The following SCGB2B2 variants were observed in gnomAD, a reference collection of about 807,000 sequenced individuals.
SCGB2B2 encodes secretoglobin-like protein.
In SCGB2B2, 11 loss-of-function variants were observed where a neutral mutation model predicts 7.6. The observed-to-expected ratio is 1.45, with a 90% confidence interval of 0.91 to 2.40. The LOEUF (loss-of-function observed/expected upper bound fraction) is 2.40, where lower values mean the gene tolerates loss of function less well. Ranked by LOEUF, SCGB2B2 falls within the 30% of genes most tolerant of loss-of-function variation. SCGB2B2 has a pLI of 0.00. For missense variants in SCGB2B2, 104 were observed against 115.4 expected (o/e 0.90, Z 0.45); for synonymous variants, 50 against 48.6 (o/e 1.03, Z -0.12).
chr19:34,658,468 A>C (rs1195108910), intron 1 of SCGB2B2, among the ~76,000 whole-genome samples: 1 of 152,182 alleles, frequency 6.6e-6, no homozygotes, highest in African/African-American at 2.4e-5. Context: ...GAACACTATA[A>C]ACACCTCTAC....
chr19:34,600,281 C>T (rs914838454), intron 1 of SCGB2B2, among the ~76,000 whole-genome samples: 12 of 152,152 alleles, frequency 7.9e-5, no homozygotes, highest in African/African-American at 2.9e-4. Context: ...GATATTCATC[C>T]ATGTTGTTAT....
intron 1 of SCGB2B2, among the ~76,000 whole-genome samples, chr19:34,668,554 C>A (rs1370332254): frequency 6.6e-6 from 1 of 152,240 alleles, no homozygotes; most frequent in Non-Finnish European, 1.5e-5. Flanking sequence ...GACTGGCAGG[C>A]AGCTCCACCT....
intron 1 of SCGB2B2, among the ~76,000 whole-genome samples, chr19:34,620,522 G>T (rs1383994088): frequency 3.4e-5 from 4 of 116,400 alleles, no homozygotes; most frequent in African/African-American, 1.3e-4. Flanking sequence ...ACACCAGGGT[G>T]GGGGGAGGGG....
At chr19:34,606,229 C>T (rs366296) in intron 1 of SCGB2B2, among the ~76,000 whole-genome samples, 145,025 of 152,168 alleles carry the variant, frequency 0.95, 69,527 homozygotes, top group Middle Eastern at 0.99. Flanking sequence ...ACAGCTTTAA[C>T]ATATATATTT....
At chr19:34,623,005 G>A (rs909774777) in intron 1 of SCGB2B2, among the ~76,000 whole-genome samples, 1 of 150,844 alleles carries the variant, frequency 6.6e-6, no homozygotes, top group African/African-American at 2.4e-5. Context: ...TCCAATATAC[G>A]CATTTGAAAG....
chr19:34,594,577 G>A lies in SCGB2B2; in HGVS notation c.-14C>T. On this transcript the variant is annotated 5_prime_UTR_variant, in exon 2 of 4. Coordinates refer to ENST00000601241, the MANE Select transcript of SCGB2B2 (RefSeq NM_001025591.4). ...TGTCACCCTCATGACAGCGGAGTCT[G>A]GTCCCAGCAGGCACAGGCAGGGAAT... is the stretch of plus-strand genomic sequence containing the variant. The A allele has an allele frequency of 6.2e-7, 1 of 1,611,726 alleles. No homozygotes were observed. Among genetic ancestry groups the A allele is most frequent in the Non-Finnish European group, 8.5e-7 (1 of 1,179,432 alleles).
intron 1 of SCGB2B2, chr19:34,632,198 A>C (rs771209605): frequency 6.6e-6 from 1 of 152,230 alleles, no homozygotes; most frequent in Non-Finnish European, 1.5e-5. Flanking sequence ...TAATTTCTTA[A>C]ATCTTGGCAA....
chr19:34,588,925 G>C (rs540784109), downstream of SCGB2B2, among the ~76,000 whole-genome samples: 174 of 152,254 alleles, frequency 1.1e-3, 1 homozygote, highest in African/African-American at 4.0e-3. Flanking sequence ...AAACCTGAGA[G>C]ATGGGGCCCA....
At chr19:34,617,954 G>A (rs372662995) in intron 1 of SCGB2B2, among the ~76,000 whole-genome samples, 89 of 149,684 alleles carry the variant, frequency 5.9e-4, no homozygotes, top group African/African-American at 1.3e-3. Flanking sequence ...GACCCCTTGC[G>A]CTTCCCGAGT....
At chr19:34,593,903 T>C (rs2065365709) in intron 3 of SCGB2B2, among the ~76,000 whole-genome samples, 1 of 152,098 alleles carries the variant, frequency 6.6e-6, no homozygotes, top group Admixed American at 6.5e-5. Flanking sequence ...TTTGGTGCAG[T>C]GATTGTGGTT....
At chr19:34,610,468 G>T (rs1473680703) in intron 1 of SCGB2B2, among the ~76,000 whole-genome samples, 2 of 152,070 alleles carry the variant, frequency 1.3e-5, no homozygotes, top group Non-Finnish European at 2.9e-5. Context: ...ATTTTATTAT[G>T]TTGGGGTACA....
chr19:34,673,715 C>T lies in SCGB2B2; in HGVS notation c.-2032+1915G>A, dbSNP rs535177767. On this transcript the variant is annotated intron_variant, in intron 1 of 3. Transcript: ENST00000601241. ...AAGTACATCAAAACATAGCTATTAT[C>T]TTCAAAGCATATATTGTTACGGGTA... Among the ~76,000 whole-genome samples the T allele has an allele frequency of 3.3e-5, 5 of 152,308 alleles. No homozygotes were observed. In the East Asian group the frequency reaches 7.7e-4, roughly 23 times the overall value.
intron 1 of SCGB2B2, among the ~76,000 whole-genome samples, chr19:34,659,979 A>G (rs1483064490): frequency 2.6e-5 from 4 of 152,180 alleles, no homozygotes; most frequent in Admixed American, 6.5e-5. Context: ...AAATAACACC[A>G]CATGTCTACA....
intron 1 of SCGB2B2, among the ~76,000 whole-genome samples, chr19:34,613,825 T>C (rs2065998955): frequency 6.6e-6 from 1 of 152,274 alleles, no homozygotes; most frequent in South Asian, 2.1e-4. Flanking sequence ...TGGTGTTTAA[T>C]GTCCTTAGAG....
chr19:34,615,127 A>T (rs77070131), intron 1 of SCGB2B2, among the ~76,000 whole-genome samples: 1 of 152,164 alleles, frequency 6.6e-6, no homozygotes, highest in Non-Finnish European at 1.5e-5. Context: ...ATTAGCCCCC[A>T]GAACAAGATG....
At chr19:34,653,097 G>T (rs1176470928) in intron 1 of SCGB2B2, among the ~76,000 whole-genome samples, 2 of 151,348 alleles carry the variant, frequency 1.3e-5, no homozygotes, top group Admixed American at 1.3e-4. Flanking sequence ...AGCAAAAGAA[G>T]CCAGGTACAG....
At chr19:34,588,922 A>C (rs180955013), downstream of SCGB2B2, among the ~76,000 whole-genome samples, 1 of 152,194 alleles carries the variant, frequency 6.6e-6, no homozygotes, top group East Asian at 1.9e-4. Context: ...AAGAAACCTG[A>C]GAGATGGGGC....
downstream of SCGB2B2, among the ~76,000 whole-genome samples, chr19:34,586,989 T>C (rs1419562526): frequency 6.6e-6 from 1 of 152,122 alleles, no homozygotes; most frequent in Non-Finnish European, 1.5e-5. Flanking sequence ...CTCACCGCAA[T>C]CTCTGCCTCC....
intron 1 of SCGB2B2, among the ~76,000 whole-genome samples, chr19:34,597,396 T>C (rs902004659): frequency 1.1e-4 from 17 of 151,996 alleles, no homozygotes; most frequent in Admixed American, 3.9e-4. Context: ...GGGGTGGTGG[T>C]GGCTGGAGGC....
Sources: gnomAD v4.1 joint callset for allele counts (sites outside exome capture counted in the v4.1 genomes callset) on GRCh38, gnomAD v4.1.1 for gene constraint, MANE v1.5 for transcripts, NCBI Gene and HGNC (gene_info 2026-07-23, HGNC 2026-07-21) for gene names.